MMP23B: variants seen among roughly 807,000 people sequenced by gnomAD.
MMP23B encodes the protein matrix metallopeptidase 23B.
A neutral mutation model predicts 17.3 loss-of-function variants in MMP23B; 8 were observed. The ratio of observed to expected loss-of-function variants is 0.46; its 90% CI spans 0.27 to 0.83. The LOEUF (loss-of-function observed/expected upper bound fraction) is 0.83. Among genes scored for constraint, MMP23B ranks in the 40% least tolerant of loss-of-function variants. The probability of loss-of-function intolerance (pLI) is 0.14; values close to 1 mark genes in which losing one functional copy is unlikely to be tolerated. For missense variants in MMP23B, 154 were observed against 246.2 expected, an observed-to-expected ratio of 0.63 and a Z score of 2.51; for synonymous variants, 86 against 116.5, an observed-to-expected ratio of 0.74 and a Z score of 1.69.
At chr1:1,632,475 G>A (rs1196358229) in intron 1 of MMP23B, 101 bp downstream of exon 1, 9 of 993,410 alleles carry the variant, frequency 9.1e-6, no homozygotes, top group African/African-American at 5.0e-5. Flanking sequence ...GGGTGTGCGG[G>A]GTGTTTGAGG....
In MMP23B at chr1:1,634,374, C is replaced by T. The variant is rs1284508611; in HGVS notation, c.998+46C>T. ...GTCCTCGGGGTGGGCAGCCCGCGGG[C>T]GGCCTTGGGGCAGGGGTGCGGGGCA... On this transcript the variant is annotated intron_variant, in intron 7 of 7. Coordinates refer to ENST00000356026, the MANE Select transcript of MMP23B (RefSeq NM_006983.2). 63 of 1,055,688 alleles carry T rather than the reference C, an allele frequency of 6.0e-5. 4 individuals carry two copies. The Admixed American group carries it at 1.5e-3, about 25-fold the overall frequency. 65.4% of individuals were successfully genotyped at this position (1,055,688 alleles called of 1,614,324 possible).
Position 1,632,272 on chromosome 1 carries a change from C to T in MMP23B, c.54C>T (p.Arg18=). 7.2e-7 allele frequency: 1 copy of T among 1,391,066 alleles called. No homozygotes were observed. The highest frequency in any genetic ancestry group is 9.3e-7 in the Non-Finnish European group (1 of 1,078,226). The allele number at this position is 1,391,066 out of a possible 1,614,324, so 86.2% of individuals were successfully genotyped here. Residue 18 remains arginine, a synonymous_variant, in exon 1 of 8, where the codon CGC becomes CGT. Transcript: ENST00000356026. ...PSEAPGAGVE[R]RWLGAALVAL... ...AGGCCCCGGGGGCAGGCGTCGAGCG[C>T]CGCTGGCTTGGAGCCGCGCTGGTCG...
intron 1 of MMP23B, 47 bp downstream of exon 1, chr1:1,632,421 C>G (rs1471367906): frequency 7.4e-7 from 1 of 1,343,782 alleles, no homozygotes; most frequent in Non-Finnish European, 9.7e-7. Context: ...GGGGTCCTCA[C>G]GTCTGTGGGT....
chr1:1,632,693 C>T (rs913137719), intron 1 of MMP23B, 90 bp from the exon 2 acceptor site: 29 of 297,508 alleles, frequency 9.7e-5, no homozygotes, highest in African/African-American at 8.1e-4. Context: ...GGCACCCCCA[C>T]CCCCGTTTCC....
Position 1,632,177 on chromosome 1 carries a change from C to T in MMP23B, c.-42C>T. 1 of 1,240,678 alleles carries T rather than the reference C, an allele frequency of 8.1e-7. No homozygotes were observed. Among genetic ancestry groups the T allele is most frequent in the Non-Finnish European group, 1.0e-6 (1 of 993,608 alleles). 76.9% of individuals were successfully genotyped at this position (1,240,678 alleles called of 1,614,324 possible). On this transcript the variant is annotated 5_prime_UTR_variant, in exon 1 of 8. Coordinates refer to ENST00000356026, the MANE Select transcript of MMP23B (RefSeq NM_006983.2). ...GGCTCTGCGGCCCGGGCCCCCGCGC[C>T]TTGCTGCCCCATGCAGCCCTGAGCC... is the stretch of plus-strand genomic sequence containing the variant.
chr1:1,632,417 C>T (rs1639028685), intron 1 of MMP23B, 43 bp downstream of exon 1: 3 of 1,357,456 alleles, frequency 2.2e-6, no homozygotes, highest in Non-Finnish European at 2.9e-6. Context: ...TGGGGGGGTC[C>T]TCACGTCTGT....
intron 5 of MMP23B, 26 bp from the exon 6 acceptor site, chr1:1,633,963 G>C: frequency 7.6e-7 from 1 of 1,320,450 alleles, no homozygotes; most frequent in Non-Finnish European, 1.0e-6. Flanking sequence ...TCCTGAGCCA[G>C]GCCGTGCTCC....
At position 1,632,272 on chromosome 1, in the gene MMP23B, C is replaced by A. The variant is rs1289335632; in HGVS notation, c.54C>A (p.Arg18=). The A allele has an allele frequency of 7.2e-7, 1 of 1,391,066 alleles. No individual in the cohort carries two copies. The highest frequency in any genetic ancestry group is 3.2e-5 in the Admixed American group (1 of 31,286). 86.2% of individuals were successfully genotyped at this position (1,391,066 alleles called of 1,614,324 possible). ...PSEAPGAGVE[R]RWLGAALVAL... ...AGGCCCCGGGGGCAGGCGTCGAGCG[C>A]CGCTGGCTTGGAGCCGCGCTGGTCG... Residue 18 remains arginine, a synonymous_variant, in exon 1 of 8, where the codon CGC becomes CGA. Transcript: ENST00000356026.
intron 1 of MMP23B, 77 bp downstream of exon 1, chr1:1,632,451 G>A (rs919674226): frequency 1.7e-5 from 21 of 1,211,930 alleles, no homozygotes; most frequent in African/African-American, 1.2e-4. Flanking sequence ...CGGGGGGCCC[G>A]CAGGACGTGT....
At position 1,632,445 on chromosome 1, in the gene MMP23B, G is replaced by T. The variant is rs1299324047; in HGVS notation, c.156+71G>T. The T allele has an allele frequency of 6.4e-6, 8 of 1,249,686 alleles. 1 individual carries two copies. Among genetic ancestry groups the T allele is most frequent in the South Asian group, 4.7e-5 (3 of 63,706 alleles). The allele number at this position is 1,249,686 out of a possible 1,614,324, so 77.4% of individuals were successfully genotyped here. On this transcript the variant is annotated intron_variant, in intron 1 of 7. Coordinates refer to ENST00000356026, the MANE Select transcript of MMP23B (RefSeq NM_006983.2). Reference sequence around the variant, plus strand: ...ACGTCTGTGGGTCTGGTCTATCGGGGGGCCCGCAGGACGTGTGCGGGGTGT... The same window carrying T: ...ACGTCTGTGGGTCTGGTCTATCGGGTGGCCCGCAGGACGTGTGCGGGGTGT...
chr1:1,632,642 C>T, intron 1 of MMP23B, 141 bp from the exon 2 acceptor site: 2 of 331,622 alleles, frequency 6.0e-6, no homozygotes, highest in South Asian at 5.0e-5. Flanking sequence ...AGACCCGAAA[C>T]CACAGGCAGA....
Position 1,632,242 on chromosome 1 carries a change from CT to C in MMP23B, c.25del (p.Ser9ArgfsTer73), listed in dbSNP as rs937708977. 1.0e-5 allele frequency: 14 copies of C among 1,345,404 alleles called. No homozygotes were observed. Among genetic ancestry groups the C allele is most frequent in the Non-Finnish European group, 1.3e-5 (14 of 1,056,684 alleles). The allele number at this position is 1,345,404 out of a possible 1,614,324, so 83.3% of individuals were successfully genotyped here. Reference sequence around the variant, plus strand: ...CCATGGGCCGCGGGGCCCGTGTCCCCTCGGAGGCCCCGGGGGCAGGCGTCGA... The same window carrying C: ...CCATGGGCCGCGGGGCCCGTGTCCCCCGGAGGCCCCGGGGGCAGGCGTCGA... MGRGARVP[S>X]EAPGAGVERR... On this transcript the variant is annotated frameshift_variant, in exon 1 of 8. Transcript: ENST00000356026. LOFTEE classifies it high-confidence loss of function.
rs544886595 is a variant in MMP23B at position 1,632,228 on chromosome 1, G to A, written c.10G>A (p.Gly4Arg). The A allele has an allele frequency of 1.3e-5, 17 of 1,327,860 alleles. No individual in the cohort carries two copies. The highest frequency in any genetic ancestry group is 4.3e-5 in the South Asian group (2 of 46,188). The allele number at this position is 1,327,860 out of a possible 1,614,324, so 82.3% of individuals were successfully genotyped here. A position where few individuals can be genotyped will look rare whatever the true frequency, so the allele number is the denominator to read the frequency against. ...CCACAGCAAGTCTGCCATGGGCCGC[G>A]GGGCCCGTGTCCCCTCGGAGGCCCC... MGRGARVPSEAPGA... is the reference protein window; with the variant it reads MGRRARVPSEAPGA... The change falls in exon 1 of 8, where the codon GGG becomes AGG. Residue 4 changes from glycine (G) to arginine (R), a missense_variant. By Grantham distance (125) the Gly-to-Arg change is moderately radical. Coordinates refer to ENST00000356026, the MANE Select transcript of MMP23B (RefSeq NM_006983.2).
intron 1 of MMP23B, 129 bp downstream of exon 1, chr1:1,632,503 G>A (rs1639034597): frequency 2.6e-6 from 2 of 766,816 alleles, no homozygotes; most frequent in African/African-American, 1.8e-5. Flanking sequence ...TGTGCGTCCC[G>A]AGGTCGGAGG....
Position 1,632,223 on chromosome 1 carries a change from G to A in MMP23B, c.5G>A (p.Gly2Asp). MGRGARVPSEAP... is the reference protein window; with the variant it reads MDRGARVPSEAP... The stretch of plus-strand genomic sequence containing the variant: ...GAGCCCCACAGCAAGTCTGCCATGG[G>A]CCGCGGGGCCCGTGTCCCCTCGGAG... Residue 2 changes from glycine (G) to aspartate (D), a missense_variant, in exon 1 of 8, where the codon GGC becomes GAC. This residue lies in a region of MMP23B where 129 missense variants were observed against 83.5 expected (regional missense o/e 1.54). Coordinates refer to ENST00000356026, the MANE Select transcript of MMP23B (RefSeq NM_006983.2). 1 of 1,324,384 alleles carries A rather than the reference G, an allele frequency of 7.6e-7. No homozygotes were observed. The highest frequency in any genetic ancestry group is 9.6e-7 in the Non-Finnish European group (1 of 1,045,956). 82.0% of individuals were successfully genotyped at this position (1,324,384 alleles called of 1,614,324 possible).
Position 1,632,212 on chromosome 1 carries a change from G to A in MMP23B, c.-7G>A. Reference sequence around the variant, plus strand: ...CATGCAGCCCTGAGCCCCACAGCAAGTCTGCCATGGGCCGCGGGGCCCGTG... The same window carrying A: ...CATGCAGCCCTGAGCCCCACAGCAAATCTGCCATGGGCCGCGGGGCCCGTG... On this transcript the variant is annotated 5_prime_UTR_variant, in exon 1 of 8. Coordinates refer to ENST00000356026, the MANE Select transcript of MMP23B (RefSeq NM_006983.2). 1 of 1,307,592 alleles carries A rather than the reference G, an allele frequency of 7.6e-7. No individual in the cohort carries two copies. Among genetic ancestry groups the A allele is most frequent in the Non-Finnish European group, 9.7e-7 (1 of 1,035,726 alleles). 81.0% of individuals were successfully genotyped at this position (1,307,592 alleles called of 1,614,324 possible).
rs1306386174 is a variant in MMP23B at position 1,634,410 on chromosome 1, G to T, written c.999-41G>T. Reference sequence around the variant, plus strand: ...CAGGGGTGCGGGGCAGGCAGCCGGGGGGGGGGCTGTGCCTGCAGGAGACGC... The same window carrying T: ...CAGGGGTGCGGGGCAGGCAGCCGGGTGGGGGGCTGTGCCTGCAGGAGACGC... On this transcript the variant is annotated intron_variant, in intron 7 of 7. Transcript: ENST00000356026. 1.6e-5 allele frequency: 23 copies of T among 1,403,664 alleles called. 3 individuals carry two copies. The highest frequency in any genetic ancestry group is 1.9e-5 in the Non-Finnish European group (20 of 1,040,478). 87.0% of individuals were successfully genotyped at this position (1,403,664 alleles called of 1,614,324 possible).
Position 1,632,291 on chromosome 1 carries a change from C to G in MMP23B, c.73C>G (p.Leu25Val). 1.4e-6 allele frequency: 2 copies of G among 1,420,560 alleles called. No homozygotes were observed. The highest frequency in any genetic ancestry group is 1.8e-6 in the Non-Finnish European group (2 of 1,092,378). 88.0% of individuals were successfully genotyped at this position (1,420,560 alleles called of 1,614,324 possible). A position where few individuals can be genotyped will look rare whatever the true frequency, so the allele number is the denominator to read the frequency against. Residue 25 changes from leucine (L) to valine (V), a missense_variant, in exon 1 of 8, where the codon CTG becomes GTG. Leu to Val is a conservative substitution (Grantham distance 32). Around this residue, in one of 4 missense-constraint regions of MMP23B, gnomAD observed 129 missense variants for 83.5 expected, o/e 1.54. Transcript: ENST00000356026. ...CGAGCGCCGCTGGCTTGGAGCCGCG[C>G]TGGTCGCCCTGTGCCTCCTCCCCGC... ...GVERRWLGAA[L>V]VALCLLPALV...
At position 1,632,334 on chromosome 1, in the gene MMP23B, G is replaced by C; in HGVS notation, c.116G>C (p.Arg39Pro). 2 of 1,414,720 alleles carry C rather than the reference G, an allele frequency of 1.4e-6. No individual in the cohort carries two copies. Among genetic ancestry groups the C allele is most frequent in the Non-Finnish European group, 1.8e-6 (2 of 1,092,372 alleles). The allele number at this position is 1,414,720 out of a possible 1,614,324, so 87.6% of individuals were successfully genotyped here. A position where few individuals can be genotyped will look rare whatever the true frequency, so the allele number is the denominator to read the frequency against. ...CLLPALVLLA[R>P]LGAPAVPAWS... ...CTCCCCGCGCTGGTGCTGCTGGCCC[G>C]GCTGGGGGCCCCGGCGGTGCCGGCC... Residue 39 changes from arginine (R) to proline (P), a missense_variant, in exon 1 of 8, where the codon CGG becomes CCG. Around this residue, in one of 4 missense-constraint regions of MMP23B, gnomAD observed 129 missense variants for 83.5 expected, o/e 1.54. Transcript: ENST00000356026.
Sources: allele counts gnomAD v4.1 joint callset, GRCh38; gene constraint gnomAD v4.1.1; regional missense constraint gnomAD v4.1.1; transcripts MANE v1.5; gene names NCBI Gene and HGNC (gene_info 2026-07-23, HGNC 2026-07-21).